PPIL1: variants seen among roughly 807,000 people sequenced by gnomAD.
PPIL1 encodes peptidyl-prolyl cis-trans isomerase-like 1.
A neutral mutation model predicts 19.4 loss-of-function variants in PPIL1; 14 were observed. The ratio of observed to expected loss-of-function variants is 0.72; its 90% CI spans 0.48 to 1.13. The LOEUF is 1.13. PPIL1 is among the 50% of genes most tolerant of loss of function. PPIL1 has a pLI of 0.00. For missense variants in PPIL1, 192 were observed against 218.0 expected (o/e 0.88, Z 0.75); for synonymous variants, 72 against 73.6 (o/e 0.98, Z 0.11).
At chr6:36,857,399 T>G (rs905962093) in intron 2 of PPIL1, among the ~76,000 whole-genome samples, 1 of 152,104 alleles carries the variant, frequency 6.6e-6, no homozygotes, top group Non-Finnish European at 1.5e-5. Context: ...ACATCTAAAA[T>G]CTCAGCACTT....
At chr6:36,861,274 T>G (rs902094545) in intron 2 of PPIL1, among the ~76,000 whole-genome samples, 1 of 152,178 alleles carries the variant, frequency 6.6e-6, no homozygotes, top group Non-Finnish European at 1.5e-5. Flanking sequence ...TGAGACCTCT[T>G]GTGGTGTTTT....
At position 36,874,736 on chromosome 6, in the gene PPIL1, T is replaced by C. The variant is rs986806455; in HGVS notation, c.37A>G (p.Asn13Asp). The C allele has an allele frequency of 6.2e-7, 1 of 1,614,092 alleles. No homozygotes were observed. The highest frequency in any genetic ancestry group is 1.1e-5 in the South Asian group (1 of 91,084). Residue 13 changes from asparagine to aspartate, a missense_variant, in exon 1 of 4, where the codon AAC (asparagine) becomes GAC (aspartate). By Grantham distance (23) the Asn-to-Asp change is conservative. Transcript: ENST00000373699. ...CCTCACCTGGTCTCCAAGTAAACGT[T>C]GGGTGGCTGCCAGGAATCTGGGGGA... ...AIPPDSWQPP[N>D]VYLETSMGII...
intron 1 of PPIL1, among the ~76,000 whole-genome samples, chr6:36,873,915 A>G (rs1157794851): frequency 6.6e-6 from 1 of 152,198 alleles, no homozygotes; most frequent in South Asian, 2.1e-4. Context: ...TAGCAGCAAG[A>G]CGTTATTAAA....
intron 2 of PPIL1, among the ~76,000 whole-genome samples, chr6:36,869,583 A>C (rs1336771400): frequency 2.6e-5 from 4 of 152,228 alleles, no homozygotes; most frequent in African/African-American, 7.2e-5. Flanking sequence ...CTGAAAAAAA[A>C]ACACTAAAAA....
intron 2 of PPIL1, among the ~76,000 whole-genome samples, chr6:36,857,075 C>G (rs932072654): frequency 6.6e-6 from 1 of 152,092 alleles, no homozygotes; most frequent in African/African-American, 2.4e-5. Context: ...AAGTCCTATC[C>G]CTGTGCCCAT....
intron 2 of PPIL1, among the ~76,000 whole-genome samples, chr6:36,863,073 A>G (rs186586153): frequency 1.3e-5 from 2 of 152,344 alleles, no homozygotes; most frequent in Admixed American, 1.3e-4. Context: ...ATTAAATGAG[A>G]CAGCATATGG....
At chr6:36,857,955 C>T (rs111792987) in intron 2 of PPIL1, among the ~76,000 whole-genome samples, 2 of 152,072 alleles carry the variant, frequency 1.3e-5, no homozygotes, top group African/African-American at 2.4e-5. Flanking sequence ...TTAGACCAGG[C>T]GCGGTGGCTC....
chr6:36,856,922 T>G (rs1774179905), intron 2 of PPIL1, among the ~76,000 whole-genome samples: 1 of 152,326 alleles, frequency 6.6e-6, no homozygotes, highest in East Asian at 1.9e-4. Flanking sequence ...ATCAAAAAGG[T>G]AGAAAACATA....
chr6:36,856,808 CTAGCACTAA>C (rs1271131923), intron 2 of PPIL1, among the ~76,000 whole-genome samples, 154 bp from the exon 3 acceptor site: 1 of 152,198 alleles, frequency 6.6e-6, no homozygotes, highest in Non-Finnish European at 1.5e-5. Context: ...ACTACAGAAT[CTAGCACTAA>C]TAGCACATTC....
intron 2 of PPIL1, among the ~76,000 whole-genome samples, chr6:36,864,584 C>A (rs573774632): frequency 6.6e-6 from 1 of 152,156 alleles, no homozygotes; most frequent in Non-Finnish European, 1.5e-5. Flanking sequence ...TGGTTCTCAA[C>A]GGGGAGTGAT....
At chr6:36,861,334 T>G (rs1774283617) in intron 2 of PPIL1, among the ~76,000 whole-genome samples, 2 of 152,184 alleles carry the variant, frequency 1.3e-5, no homozygotes, top group Non-Finnish European at 1.5e-5. Flanking sequence ...ACTGGCTTAT[T>G]TAGCTTGTCC....
chr6:36,865,551 C>T (rs1774378866), intron 2 of PPIL1, among the ~76,000 whole-genome samples: 1 of 152,166 alleles, frequency 6.6e-6, no homozygotes, highest in Admixed American at 6.5e-5. Flanking sequence ...GCCTCTGTCA[C>T]TCCTGCCCTG....
Position 36,855,559 on chromosome 6 carries a change from T to G in PPIL1, c.*254A>C, listed in dbSNP as rs1314969506. On this transcript the variant is annotated 3_prime_UTR_variant, in exon 4 of 4. Transcript: ENST00000373699. ...GCACAAGAAGCAGCATTATGGTTCA[T>G]GTGTAGTAAGTAGTCACCTATTGAT... 1 of 506,812 alleles carries G rather than the reference T, an allele frequency of 2.0e-6. No individual in the cohort carries two copies. The highest frequency in any genetic ancestry group is 3.6e-6 in the Non-Finnish European group (1 of 278,160). 31.4% of individuals were successfully genotyped at this position (506,812 alleles called of 1,614,324 possible).
chr6:36,867,373 C>A (rs965727496), intron 2 of PPIL1, among the ~76,000 whole-genome samples: 1 of 152,110 alleles, frequency 6.6e-6, no homozygotes, highest in Admixed American at 6.5e-5. Context: ...AAAAGGGAAC[C>A]AAACATGCTA....
At position 36,855,354 on chromosome 6, in the gene PPIL1, C is replaced by T. The variant is rs555320473; in HGVS notation, c.*459G>A. 2.1e-5 allele frequency: 4 copies of T among 192,490 alleles called. No homozygotes were observed. The highest frequency in any genetic ancestry group is 1.0e-4 in the South Asian group (1 of 9,572). 11.9% of individuals were successfully genotyped at this position (192,490 alleles called of 1,614,324 possible). ...ACAAATGTAAAAGACTGAAATAGGG[C>T]GTGCACAGAGTTAAGAGGGCTGACA... is the stretch of plus-strand genomic sequence containing the variant. On this transcript the variant is annotated 3_prime_UTR_variant, in exon 4 of 4. Coordinates refer to ENST00000373699, the MANE Select transcript of PPIL1 (RefSeq NM_016059.5).
At chr6:36,857,918 T>C (rs925042039) in intron 2 of PPIL1, among the ~76,000 whole-genome samples, 1 of 151,982 alleles carries the variant, frequency 6.6e-6, no homozygotes, top group African/African-American at 2.4e-5. Context: ...TCAGGCAGGT[T>C]TTGCTCTAAG....
chr6:36,861,145 T>G (rs1358316041), intron 2 of PPIL1, among the ~76,000 whole-genome samples: 2 of 152,118 alleles, frequency 1.3e-5, no homozygotes, highest in Non-Finnish European at 2.9e-5. Context: ...ATAGTTTGAG[T>G]ATTTCATCAT....
At position 36,857,534 on chromosome 6, in the gene PPIL1, T is replaced by C. The variant is rs377460519; in HGVS notation, c.212-880A>G. Among the ~76,000 whole-genome samples, 28 of 152,212 alleles carry C rather than the reference T, an allele frequency of 1.8e-4. No homozygotes were observed. In the East Asian group the frequency reaches 5.4e-3, roughly 30 times the overall value. Reference sequence around the variant, plus strand: ...TCTTGCTACGTTGCCCAGGCTGGTCTCAAACTCCTGGCGTCAAGCAATCCT... The same window carrying C: ...TCTTGCTACGTTGCCCAGGCTGGTCCCAAACTCCTGGCGTCAAGCAATCCT... On this transcript the variant is annotated intron_variant, in intron 2 of 3. Coordinates refer to ENST00000373699, the MANE Select transcript of PPIL1 (RefSeq NM_016059.5).
intron 2 of PPIL1, among the ~76,000 whole-genome samples, chr6:36,864,143 G>C (rs1197117200): frequency 2.0e-5 from 3 of 151,726 alleles, no homozygotes; most frequent in Non-Finnish European, 4.4e-5. Context: ...TGGTCTCCTT[G>C]CTTCCAGCCT....
Sources: gnomAD v4.1 joint callset for allele counts (sites outside exome capture counted in the v4.1 genomes callset) on GRCh38, gnomAD v4.1.1 for gene constraint, MANE v1.5 for transcripts, NCBI Gene and HGNC (gene_info 2026-07-23, HGNC 2026-07-21) for gene names.